The following FMN1 variants were observed in gnomAD, a reference collection of about 807,000 sequenced individuals.
The protein encoded by FMN1 is formin-1.
Under a neutral mutation model 132.4 loss-of-function variants are expected in FMN1, and 110 were observed. The ratio of observed to expected loss-of-function variants is 0.83; its 90% CI spans 0.71 to 0.97. The LOEUF is 0.97. Among genes scored for constraint, FMN1 ranks in the 50% least tolerant of loss-of-function variants. The pLI, the probability that FMN1 is intolerant of heterozygous loss-of-function variation, is 0.00. For missense variants in FMN1, 1,792 were observed against 1,705.3 expected, an observed-to-expected ratio of 1.05 and a Z score of -0.90; for synonymous variants, 722 against 651.7, an observed-to-expected ratio of 1.11 and a Z score of -1.64.
chr15:33,019,722 G>A (rs1032005456), intron 6 of FMN1, among the ~76,000 whole-genome samples: 3 of 152,218 alleles, frequency 2.0e-5, no homozygotes, highest in Non-Finnish European at 2.9e-5. Context: ...GCTTGCCTGA[G>A]TGCTAAGCCC....
chr15:33,105,021 TG>T (rs2039431622), intron 4 of FMN1, among the ~76,000 whole-genome samples: 2 of 152,134 alleles, frequency 1.3e-5, no homozygotes, highest in African/African-American at 4.8e-5. Flanking sequence ...CCCTGGGATG[TG>T]GCACTTTGCA....
chr15:33,088,205 G>GA (rs964741723), intron 5 of FMN1, among the ~76,000 whole-genome samples: 42 of 151,724 alleles, frequency 2.8e-4, no homozygotes, highest in African/African-American at 9.9e-4. Flanking sequence ...AAAACCTATT[G>GA]AAATTAAAAA....
chr15:32,964,284 C>T (rs2030965083), intron 8 of FMN1, 27 bp from the exon 9 acceptor site: 1 of 1,514,684 alleles, frequency 6.6e-7, no homozygotes, highest in East Asian at 2.3e-5. Context: ...ACAAGTTAAC[C>T]ATAAGAACCA....
chr15:32,960,577 CTGATT>C (rs1264462011), intron 9 of FMN1, among the ~76,000 whole-genome samples: 1 of 152,128 alleles, frequency 6.6e-6, no homozygotes, highest in African/African-American at 2.4e-5. Context: ...GTGGGAAAAT[CTGATT>C]TGATTAACAG....
chr15:32,896,884 T>C (rs916977036), intron 15 of FMN1, among the ~76,000 whole-genome samples: 1 of 152,152 alleles, frequency 6.6e-6, no homozygotes, highest in African/African-American at 2.4e-5. Flanking sequence ...AGAGGGAAAA[T>C]GTCTCTTTGA....
Position 32,964,201 on chromosome 15 carries a change from G to T in FMN1, c.3044C>A (p.Pro1015His). 2 of 1,612,148 alleles carry T rather than the reference G, an allele frequency of 1.2e-6. No homozygotes were observed. Among genetic ancestry groups the T allele is most frequent in the Non-Finnish European group, 1.7e-6 (2 of 1,178,726 alleles). ...DSLEEPDIRD[P>H]SEFEYLFSKD... Reference sequence around the variant, plus strand: ...GGAGAATAAATACTCAAATTCACTGGGGTCCCGAATGTCAGGTTCTTCTAA... The same window carrying T: ...GGAGAATAAATACTCAAATTCACTGTGGTCCCGAATGTCAGGTTCTTCTAA... The change falls in exon 9 of 21, where the codon CCC (proline) becomes CAC (histidine). Residue 1015 changes from proline (P) to histidine (H), a missense_variant. Physicochemically the swap from Pro to His is moderately conservative, Grantham distance 77. Transcript: ENST00000616417.
At chr15:33,084,364 G>C (rs2038607889) in intron 5 of FMN1, among the ~76,000 whole-genome samples, 1 of 152,170 alleles carries the variant, frequency 6.6e-6, no homozygotes, top group Non-Finnish European at 1.5e-5. Context: ...CGAAGAGGGG[G>C]TCATAGGAAC....
intron 7 of FMN1, among the ~76,000 whole-genome samples, chr15:32,984,803 T>A (rs1299187398): frequency 1.3e-5 from 2 of 152,040 alleles, no homozygotes; most frequent in African/African-American, 4.8e-5. Flanking sequence ...GAATGTAACC[T>A]TCATTGCATC....
In FMN1 at chr15:32,768,475, A is replaced by G. The variant is rs1424637613; in HGVS notation, c.*5835T>C. On this transcript the variant is annotated 3_prime_UTR_variant, in exon 21 of 21. Coordinates refer to ENST00000616417, the MANE Select transcript of FMN1 (RefSeq NM_001277313.2). ...AATGCATTGGCAGCTCACACTATAC[A>G]TGGAGAGAAATATTCATATTAATTT... 6.6e-6 allele frequency: 1 copy of G among 152,230 alleles called. No homozygotes were observed. Among genetic ancestry groups the G allele is most frequent in the African/African-American group, 2.4e-5 (1 of 41,464 alleles). The allele number at this position is 152,230 out of a possible 1,614,324, so 9.4% of individuals were successfully genotyped here. A position where few individuals can be genotyped will look rare whatever the true frequency, so the allele number is the denominator to read the frequency against.
At chr15:32,915,398 ATTAG>A (rs2060661041) in intron 10 of FMN1, among the ~76,000 whole-genome samples, 1 of 152,242 alleles carries the variant, frequency 6.6e-6, no homozygotes, top group African/African-American at 2.4e-5. Context: ...AGCCCAATTA[ATTAG>A]TTAACTAATT....
At chr15:32,822,238 A>G (rs1437944691) in intron 17 of FMN1, among the ~76,000 whole-genome samples, 1 of 152,122 alleles carries the variant, frequency 6.6e-6, no homozygotes, top group African/African-American at 2.4e-5. Context: ...AATTGCAGCT[A>G]CTCAGGAAGC....
Position 32,897,133 on chromosome 15 carries a change from C to CATGAT in FMN1, c.3714+1696_3714+1700dup, listed in dbSNP as rs149792660. Among the ~76,000 whole-genome samples the CATGAT allele has an allele frequency of 4.9e-3, 753 of 152,266 alleles. 6 individuals carry two copies. Among genetic ancestry groups the CATGAT allele is most frequent in the African/African-American group, 0.017 (715 of 41,550 alleles). On this transcript the variant is annotated intron_variant, in intron 15 of 20. Coordinates refer to ENST00000616417, the MANE Select transcript of FMN1 (RefSeq NM_001277313.2). The stretch of plus-strand genomic sequence containing the variant: ...TTTTATTAACAGCCATCCTAAAAGG[C>CATGAT]ATGATGGGCTATCTCACTGTGGTTT...
intron 19 of FMN1, among the ~76,000 whole-genome samples, chr15:32,798,181 C>A (rs201144700): frequency 2.2e-5 from 1 of 45,166 alleles, no homozygotes; most frequent in African/African-American, 7.1e-5. Flanking sequence ...GGAAAACGCA[C>A]ACACACACAC....
At chr15:32,888,698 T>C (rs1268464332) in intron 15 of FMN1, among the ~76,000 whole-genome samples, 1 of 152,188 alleles carries the variant, frequency 6.6e-6, no homozygotes, top group African/African-American at 2.4e-5. Flanking sequence ...GGCATACCAA[T>C]GGGTGTGAAT....
intron 4 of FMN1, among the ~76,000 whole-genome samples, chr15:33,145,413 T>G (rs896616152): frequency 1.3e-5 from 2 of 151,936 alleles, no homozygotes; most frequent in African/African-American, 4.8e-5. Context: ...TCCCCAAGTC[T>G]GTACATCCTG....
At chr15:32,797,544 T>C (rs2057329002) in intron 19 of FMN1, among the ~76,000 whole-genome samples, 2 of 152,238 alleles carry the variant, frequency 1.3e-5, no homozygotes, top group African/African-American at 2.4e-5. Flanking sequence ...CCAAGATTTT[T>C]AGGATTTTTT....
intron 17 of FMN1, among the ~76,000 whole-genome samples, chr15:32,818,409 T>TTCCTAAACGAGA (rs1184111236): frequency 6.6e-6 from 1 of 152,218 alleles, no homozygotes; most frequent in Non-Finnish European, 1.5e-5. Context: ...TTGACAGTTC[T>TTCCTAAACGAGA]TCCTAAACGA....
At chr15:32,907,840 C>T (rs145484480) in intron 12 of FMN1, among the ~76,000 whole-genome samples, 84 of 152,208 alleles carry the variant, frequency 5.5e-4, no homozygotes, top group African/African-American at 1.9e-3. Flanking sequence ...TGGGCAGGGT[C>T]GTGGGGCTGC....
chr15:32,795,259 T>C (rs889385672), intron 19 of FMN1, among the ~76,000 whole-genome samples: 2 of 152,120 alleles, frequency 1.3e-5, no homozygotes, highest in African/African-American at 4.8e-5. Flanking sequence ...AAGGTAGCTA[T>C]AGATGTTTAC....
Sources: gnomAD v4.1 joint callset for allele counts (sites outside exome capture counted in the v4.1 genomes callset) on GRCh38, gnomAD v4.1.1 for gene constraint, MANE v1.5 for transcripts, NCBI Gene and HGNC (gene_info 2026-07-23, HGNC 2026-07-21) for gene names.